EPS8L3: variants seen among roughly 807,000 people sequenced by gnomAD.
EPS8L3 encodes the protein epidermal growth factor receptor kinase substrate 8-like protein 3.
Under a neutral mutation model 88.5 loss-of-function variants are expected in EPS8L3, and 80 were observed. The observed-to-expected ratio is 0.90, with a 90% CI of 0.75 to 1.09. EPS8L3 has a LOEUF of 1.09. Among genes scored for constraint, EPS8L3 ranks in the 50% least tolerant of loss-of-function variants. The pLI, the probability that EPS8L3 is intolerant of heterozygous loss-of-function variation, is 0.00. For synonymous variants in EPS8L3, 286 were observed against 291.0 expected (o/e 0.98, Z 0.18); for missense variants, 721 against 735.2 (o/e 0.98, Z 0.22).
Position 109,759,165 on chromosome 1 carries a change from G to A in EPS8L3, c.406-48C>T. 6.2e-7 allele frequency: 1 copy of A among 1,606,042 alleles called. No homozygotes were observed. Among genetic ancestry groups the A allele is most frequent in the Non-Finnish European group, 8.5e-7 (1 of 1,173,808 alleles). On this transcript the variant is annotated intron_variant, in intron 5 of 18. Coordinates refer to ENST00000361965, the MANE Select transcript of EPS8L3 (RefSeq NM_133181.4). This position sits in a 1 kb window ranked among gnomAD's most constrained non-coding sequence, Gnocchi z 4.2. ...GCTAAGTGTGTGTGTGTGTGTGTGTGTGTGTGTGTGTGTGTGTGGTGGGGT... is the reference window on the plus strand; with the variant it reads ...GCTAAGTGTGTGTGTGTGTGTGTGTATGTGTGTGTGTGTGTGTGGTGGGGT...
In EPS8L3 at chr1:109,752,230, C is replaced by T. The variant is rs762649605; in HGVS notation, c.1236-37G>A. On this transcript the variant is annotated intron_variant, in intron 14 of 18. Transcript: ENST00000361965. ...AGTCAGGATGGCTGGAGAATGGGGC[C>T]TCAGAAATTAAGCCTATGTCCCAGC... The T allele has an allele frequency of 2.5e-6, 4 of 1,578,944 alleles. No individual in the cohort carries two copies. The South Asian group carries it at 3.4e-5, about 13-fold the overall frequency.
At position 109,757,551 on chromosome 1, in the gene EPS8L3, C is replaced by T. The variant is rs1206389415; in HGVS notation, c.899G>A (p.Arg300Lys). The T allele has an allele frequency of 3.7e-6, 6 of 1,613,718 alleles. 1 individual carries two copies. The East Asian group carries it at 8.9e-5, about 24-fold the overall frequency. Residue 300 changes from arginine (R) to lysine (K), a missense_variant, in exon 11 of 19, where the codon AGG (arginine) becomes AAG (lysine). Arg to Lys is a conservative substitution (Grantham distance 26). Coordinates refer to ENST00000361965, the MANE Select transcript of EPS8L3 (RefSeq NM_133181.4). ...KIKHSFNLLG[R>K]LATWLKETSA... Reference sequence around the variant, plus strand: ...TGTCTCCTTCAGCCAGGTGGCCAGCCTTCCCTGGGGACACAGAGCAATGCC... The same window carrying T: ...TGTCTCCTTCAGCCAGGTGGCCAGCTTTCCCTGGGGACACAGAGCAATGCC...
intron 8 of EPS8L3, 25 bp from the exon 9 acceptor site, chr1:109,758,083 T>A: frequency 6.2e-7 from 1 of 1,603,638 alleles, no homozygotes; most frequent in Non-Finnish European, 8.5e-7. Flanking sequence ...ACCCATGGCC[T>A]TGAACGGGCA....
At chr1:109,761,988 G>A (rs546905818) in intron 1 of EPS8L3, among the ~76,000 whole-genome samples, 14 of 152,146 alleles carry the variant, frequency 9.2e-5, no homozygotes, top group Non-Finnish European at 1.8e-4. Context: ...CCGGGCTGAG[G>A]GAAGGGAGGG....
chr1:109,758,584 C>G lies in EPS8L3; in HGVS notation c.541G>C (p.Ala181Pro), dbSNP rs767372384. The change falls in exon 7 of 19, where the codon GCA becomes CCA. Residue 181 changes from alanine (A) to proline (P), a missense_variant. By Grantham distance (27) the Ala-to-Pro change is conservative. Coordinates refer to ENST00000361965, the MANE Select transcript of EPS8L3 (RefSeq NM_133181.4). ...GGGATCCCCGGCTCCAGATAGCGTG[C>G]CTGCTCCATAGGGAGCGGCCTTTCC... ...AMERPLPMEQ[A>P]RYLEPGIPPE... The G allele has an allele frequency of 6.2e-7, 1 of 1,613,336 alleles. No homozygotes were observed. The highest frequency in any genetic ancestry group is 8.5e-7 in the Non-Finnish European group (1 of 1,179,670).
In EPS8L3 at chr1:109,759,538, T is replaced by C; in HGVS notation, c.255+140A>G. On this transcript the variant is annotated intron_variant, in intron 4 of 18. Transcript: ENST00000361965. The surrounding 1 kb of genome is among the most constrained non-coding windows in gnomAD (Gnocchi z 4.2). ...GCCTCTGTCCCCAGCCTCTGTCCCCTGTCTCTTCCTAGGCTTGGGTGTGTG... is the reference window on the plus strand; with the variant it reads ...GCCTCTGTCCCCAGCCTCTGTCCCCCGTCTCTTCCTAGGCTTGGGTGTGTG... 6.8e-7 allele frequency: 1 copy of C among 1,480,958 alleles called. No homozygotes were observed. The highest frequency in any genetic ancestry group is 9.1e-7 in the Non-Finnish European group (1 of 1,099,620). 91.7% of individuals were successfully genotyped at this position (1,480,958 alleles called of 1,614,324 possible). A position where few individuals can be genotyped will look rare whatever the true frequency, so the allele number is the denominator to read the frequency against.
At chr1:109,755,173 C>G (rs1650166758) in intron 12 of EPS8L3, among the ~76,000 whole-genome samples, 1 of 152,062 alleles carries the variant, frequency 6.6e-6, no homozygotes, top group African/African-American at 2.4e-5. Flanking sequence ...TATGAGGTTC[C>G]TAGAACAGGC....
In EPS8L3 at chr1:109,758,579, G is replaced by A; in HGVS notation, c.546C>T (p.Arg182=). ...MERPLPMEQA[R]YLEPGIPPEQ... Reference sequence around the variant, plus strand: ...CTGGAGGGATCCCCGGCTCCAGATAGCGTGCCTGCTCCATAGGGAGCGGCC... The same window carrying A: ...CTGGAGGGATCCCCGGCTCCAGATAACGTGCCTGCTCCATAGGGAGCGGCC... Residue 182 remains arginine, a synonymous_variant, in exon 7 of 19, where the codon CGC becomes CGT. Coordinates refer to ENST00000361965, the MANE Select transcript of EPS8L3 (RefSeq NM_133181.4). 1 of 1,613,478 alleles carries A rather than the reference G, an allele frequency of 6.2e-7. No individual in the cohort carries two copies. The highest frequency in any genetic ancestry group is 8.5e-7 in the Non-Finnish European group (1 of 1,179,662).
Position 109,750,280 on chromosome 1 carries a change from G to T in EPS8L3, c.*111C>A. The T allele has an allele frequency of 7.6e-7, 1 of 1,319,340 alleles. No individual in the cohort carries two copies. Among genetic ancestry groups the T allele is most frequent in the Non-Finnish European group, 1.1e-6 (1 of 933,124 alleles). The allele number at this position is 1,319,340 out of a possible 1,614,324, so 81.7% of individuals were successfully genotyped here. ...TTTTGCTGTGTGAGCTGGGGTGTGG[G>T]GTTTGCTGCAAACTGGGATCCAGAA... On this transcript the variant is annotated 3_prime_UTR_variant, in exon 19 of 19. Transcript: ENST00000361965.
rs1418604250 is a variant in EPS8L3, at chr1:109,750,401, A to G, written c.1772T>C (p.Ile591Thr). ...TGTCTAAGCTGGTGCCTAAGGGCTT[A>G]TCTGAGGAAAGACAAAGATTCAGAT... ...RLEAVRRMLG[I>T]SP is the part of the protein sequence containing the mutation. Residue 591 changes from isoleucine to threonine, a missense_variant and splice_region_variant, in exon 19 of 19, where the codon ATA becomes ACA. Transcript: ENST00000361965. 6.2e-7 allele frequency: 1 copy of G among 1,613,842 alleles called. No homozygotes were observed. The highest frequency in any genetic ancestry group is 1.7e-5 in the Admixed American group (1 of 59,990).
Position 109,759,114 on chromosome 1 carries a change from C to T in EPS8L3, c.409G>A (p.Glu137Lys). 1 of 1,612,198 alleles carries T rather than the reference C, an allele frequency of 6.2e-7. No homozygotes were observed. ...TTCTGCAGGCTGGTCTTCAGTCGCT[C>T]TGCCTGGGAAGCAGCAGTCAGGCAG... is the stretch of plus-strand genomic sequence containing the variant. ...LLFQCQEVGAERLKTSLQKAL... is the reference protein window; with the variant it reads ...LLFQCQEVGAKRLKTSLQKAL... Residue 137 changes from glutamate to lysine, a missense_variant, in exon 6 of 19, where the codon GAG becomes AAG. Coordinates refer to ENST00000361965, the MANE Select transcript of EPS8L3 (RefSeq NM_133181.4). The surrounding 1 kb of genome is among the most constrained non-coding windows in gnomAD (Gnocchi z 4.2).
intron 10 of EPS8L3, 99 bp from the exon 11 acceptor site, chr1:109,757,654 T>G: frequency 7.1e-7 from 1 of 1,406,714 alleles, no homozygotes; most frequent in East Asian, 2.4e-5. Context: ...GGCTGGCACT[T>G]CCCAAAAGTC....
chr1:109,759,919 G>C lies in EPS8L3; in HGVS notation c.97-83C>G. On this transcript the variant is annotated intron_variant, in intron 3 of 18. Coordinates refer to ENST00000361965, the MANE Select transcript of EPS8L3 (RefSeq NM_133181.4). This position sits in a 1 kb window ranked among gnomAD's most constrained non-coding sequence, Gnocchi z 4.2. Reference sequence around the variant, plus strand: ...GCGTGCTGGGTAGAGAAAAGCAGAAGAGGAAGAAGACGTGTCCTCGGCCCC... The same window carrying C: ...GCGTGCTGGGTAGAGAAAAGCAGAACAGGAAGAAGACGTGTCCTCGGCCCC... The C allele has an allele frequency of 1.7e-5, 25 of 1,462,346 alleles. No homozygotes were observed. Among genetic ancestry groups the C allele is most frequent in the Non-Finnish European group, 2.2e-5 (24 of 1,075,782 alleles). The allele number at this position is 1,462,346 out of a possible 1,614,324, so 90.6% of individuals were successfully genotyped here. A position where few individuals can be genotyped will look rare whatever the true frequency, so the allele number is the denominator to read the frequency against.
chr1:109,758,127 C>T, intron 8 of EPS8L3, 69 bp from the exon 9 acceptor site: 1 of 1,428,166 alleles, frequency 7.0e-7, no homozygotes, highest in Non-Finnish European at 9.8e-7. Context: ...CACACTGCCC[C>T]CCGCACCCCT....
chr1:109,752,286 G>T, intron 14 of EPS8L3, 93 bp from the exon 15 acceptor site: 1 of 1,258,578 alleles, frequency 7.9e-7, no homozygotes, highest in Non-Finnish European at 1.1e-6. Context: ...TCTCCGGCCT[G>T]CAGTCTGATG....
At chr1:109,760,209 C>T (rs1326148853) in intron 3 of EPS8L3, among the ~76,000 whole-genome samples, 1 of 152,126 alleles carries the variant, frequency 6.6e-6, no homozygotes, top group African/African-American at 2.4e-5. Context: ...AGATTCTGTC[C>T]CTGGCTTCCT....
Position 109,758,168 on chromosome 1 carries a change from C to A in EPS8L3, c.718-110G>T, listed in dbSNP as rs1380505362. ...CCACAAGCCCCAGCCTCAGGCCCAGCCTGGAGTATAAACAAGCCTCTCTGG... is the reference window on the plus strand; with the variant it reads ...CCACAAGCCCCAGCCTCAGGCCCAGACTGGAGTATAAACAAGCCTCTCTGG... On this transcript the variant is annotated intron_variant, in intron 8 of 18. Transcript: ENST00000361965. The A allele has an allele frequency of 8.4e-6, 11 of 1,302,506 alleles. No homozygotes were observed. In the African/African-American group the frequency reaches 1.0e-4, roughly 12 times the overall value. 80.7% of individuals were successfully genotyped at this position (1,302,506 alleles called of 1,614,324 possible). A position where few individuals can be genotyped will look rare whatever the true frequency, so the allele number is the denominator to read the frequency against.
rs1366555715 is a variant in EPS8L3, at chr1:109,757,107, G to A, written c.1028C>T (p.Thr343Ile). 1.2e-6 allele frequency: 2 copies of A among 1,614,008 alleles called. No individual in the cohort carries two copies. Among genetic ancestry groups the A allele is most frequent in the South Asian group, 1.1e-5 (1 of 91,078 alleles). The change falls in exon 12 of 19, where the codon ACC (threonine) becomes ATC (isoleucine). Residue 343 changes from threonine to isoleucine, a missense_variant. Physicochemically the swap from Thr to Ile is moderately conservative, Grantham distance 89. Transcript: ENST00000361965. Reference sequence around the variant, plus strand: ...CTGTAGCAGGTTGATAGCTTTAGGGGTGAGGAGGGGTGAGATCACTTGGGC... The same window carrying A: ...CTGTAGCAGGTTGATAGCTTTAGGGATGAGGAGGGGTGAGATCACTTGGGC... ...LAAQVISPLL[T>I]PKAINLLQSC...
At chr1:109,752,568 T>G (rs1649903018) in intron 14 of EPS8L3, 118 bp downstream of exon 14, 5 of 943,816 alleles carry the variant, frequency 5.3e-6, no homozygotes, top group African/African-American at 3.3e-5. Context: ...GTACATGTTT[T>G]TCTGGCTAAA....
Sources: gnomAD v4.1 joint callset for allele counts (sites outside exome capture counted in the v4.1 genomes callset) on GRCh38, gnomAD v4.1.1 for gene constraint, Gnocchi (gnomAD v3.1) non-coding constraint, MANE v1.5 for transcripts, NCBI Gene and HGNC (gene_info 2026-07-23, HGNC 2026-07-21) for gene names.